The following ATRX variants were observed in gnomAD, a reference collection of about 807,000 sequenced individuals.
ATRX encodes chromatin remodeler ATRX.
A neutral mutation model predicts 172.6 loss-of-function variants in ATRX; 12 were observed. That is an observed-to-expected ratio of 0.07 (90% confidence interval 0.04 to 0.11). The LOEUF (loss-of-function observed/expected upper bound fraction) is 0.11, where lower values mean the gene tolerates loss of function less well. Among genes scored for constraint, ATRX ranks in the 10% least tolerant of loss-of-function variants. ATRX has a pLI of 1.00. For missense variants in ATRX, 1,368 were observed against 1,767.4 expected (o/e 0.77, Z 4.05); for synonymous variants, 674 against 594.7 (o/e 1.13, Z -1.94).
intron 29 of ATRX, 33 bp from the exon 30 acceptor site, chrX:77,557,678 A>T: frequency 8.7e-7 from 1 of 1,144,375 alleles, no homozygotes; most frequent in Non-Finnish European, 1.2e-6. Context: ...ATACAAAAAA[A>T]TAAAATTTTG....
intron 1 of ATRX, among the ~76,000 whole-genome samples, chrX:77,781,873 C>T (rs1557205763): frequency 8.9e-6 from 1 of 112,041 alleles, no homozygotes; most frequent in African/African-American, 3.2e-5. Flanking sequence ...TTACCCAACC[C>T]ATAAGTTTAT....
intron 27 of ATRX, among the ~76,000 whole-genome samples, chrX:77,585,611 A>G (rs1557076506): frequency 1.1e-5 from 1 of 94,423 alleles, no homozygotes; most frequent in African/African-American, 3.8e-5. Flanking sequence ...AAAAAAAAAA[A>G]AAAAAAAAAA....
At chrX:77,765,168 A>AAAAACAAAC (rs1238014886) in intron 1 of ATRX, among the ~76,000 whole-genome samples, 1 of 111,823 alleles carries the variant, frequency 8.9e-6, no homozygotes, top group Non-Finnish European at 1.9e-5. Flanking sequence ...ACTCTGTCTC[A>AAAAACAAAC]AAAACAAACA....
At chrX:77,646,098 G>A (rs1235491811) in intron 15 of ATRX, among the ~76,000 whole-genome samples, 1 of 111,737 alleles carries the variant, frequency 8.9e-6, no homozygotes, top group African/African-American at 3.2e-5. Context: ...AATGGCAGAA[G>A]TAAATCCTTA....
chrX:77,725,264 C>A (rs1205895054), intron 1 of ATRX, among the ~76,000 whole-genome samples: 3 of 111,589 alleles, frequency 2.7e-5, no homozygotes, highest in East Asian at 2.8e-4. Flanking sequence ...GTACTGGTAC[C>A]AAAACAGAGA....
intron 19 of ATRX, among the ~76,000 whole-genome samples, chrX:77,630,613 T>C (rs192074479): frequency 8.9e-6 from 1 of 112,210 alleles, no homozygotes; most frequent in Non-Finnish European, 1.9e-5. Flanking sequence ...TTTTCAACAA[T>C]GGTGTCAAGA....
intron 28 of ATRX, among the ~76,000 whole-genome samples, chrX:77,569,536 A>G (rs2065329822): frequency 8.9e-6 from 1 of 112,299 alleles, no homozygotes; most frequent in Non-Finnish European, 1.9e-5. Context: ...ACAAACTCCT[A>G]GAACAAATGA....
chrX:77,617,632 T>C (rs1276260956), intron 21 of ATRX, among the ~76,000 whole-genome samples: 2 of 111,756 alleles, frequency 1.8e-5, no homozygotes, highest in Non-Finnish European at 3.8e-5. Flanking sequence ...ATAGTTGCTA[T>C]ACTCTATTGT....
At chrX:77,630,255 C>T (rs1191171049) in intron 19 of ATRX, among the ~76,000 whole-genome samples, 3 of 111,614 alleles carry the variant, frequency 2.7e-5, no homozygotes, top group Non-Finnish European at 3.8e-5. Context: ...CCTAAATAAA[C>T]GGAGAGAAAT....
chrX:77,558,184 G>T (rs1187402891), intron 29 of ATRX, among the ~76,000 whole-genome samples: 1 of 109,933 alleles, frequency 9.1e-6, no homozygotes, highest in Non-Finnish European at 1.9e-5. Context: ...TATATTAAAT[G>T]TATATTAAAT....
At position 77,506,662 on chromosome X, in the gene ATRX, T is replaced by A; in HGVS notation, c.*1689A>T. The A allele has an allele frequency of 5.7e-6, 1 of 175,135 alleles. No homozygotes were observed. 14.4% of individuals were successfully genotyped at this position (175,135 alleles called of 1,213,427 possible). The stretch of plus-strand genomic sequence containing the variant: ...TTACATGGCTAGCATAATATCTAAA[T>A]ATACAGGATTTATTAGTGATATTTC... On this transcript the variant is annotated 3_prime_UTR_variant, in exon 35 of 35. Transcript: ENST00000373344.
intron 2 of ATRX, among the ~76,000 whole-genome samples, chrX:77,716,320 AAAAATATATATATATAT>A (rs1379189949): frequency 1.7e-5 from 1 of 57,419 alleles, no homozygotes; most frequent in Non-Finnish European, 3.5e-5. Flanking sequence ...AAAAAAAAAA[AAAAATATATATATATAT>A]ATATATATAT....
chrX:77,537,559 G>A (rs2147833637), intron 30 of ATRX, among the ~76,000 whole-genome samples: 1 of 111,101 alleles, frequency 9.0e-6, no homozygotes, highest in African/African-American at 3.3e-5. Flanking sequence ...AAAGAGCCTG[G>A]CATGGTGGTG....
chrX:77,566,978 A>G (rs782586294), intron 28 of ATRX, among the ~76,000 whole-genome samples: 211 of 111,636 alleles, frequency 1.9e-3, no homozygotes, highest in Non-Finnish European at 3.4e-3. Context: ...AAGGGAATCA[A>G]AAGGATATAA....
intron 1 of ATRX, among the ~76,000 whole-genome samples, chrX:77,729,073 T>C (rs893204908): frequency 7.5e-5 from 8 of 106,103 alleles, no homozygotes; most frequent in Non-Finnish European, 1.5e-4. Flanking sequence ...AGAAAATATT[T>C]CTACATAATA....
At chrX:77,773,912 G>A (rs1237296072) in intron 1 of ATRX, among the ~76,000 whole-genome samples, 4 of 111,147 alleles carry the variant, frequency 3.6e-5, no homozygotes, top group Non-Finnish European at 7.5e-5. Flanking sequence ...CAAATCAACT[G>A]GCCTGTGTTC....
chrX:77,702,818 C>T (rs782791214), intron 2 of ATRX, among the ~76,000 whole-genome samples: 36 of 111,159 alleles, frequency 3.2e-4, no homozygotes, highest in Non-Finnish European at 9.4e-5. Flanking sequence ...CCTCAAATTC[C>T]TGGGCTCAAG....
At chrX:77,542,104 C>T (rs2064022959) in intron 30 of ATRX, among the ~76,000 whole-genome samples, 1 of 112,173 alleles carries the variant, frequency 8.9e-6, no homozygotes, top group Non-Finnish European at 1.9e-5. Flanking sequence ...AGCTGATAAG[C>T]AACTTCAGCA....
At chrX:77,520,635 A>G (rs2063199838) in intron 34 of ATRX, among the ~76,000 whole-genome samples, 153 bp downstream of exon 34, 1 of 112,059 alleles carries the variant, frequency 8.9e-6, no homozygotes, top group African/African-American at 3.2e-5. Context: ...TTTACTTGAC[A>G]TTCCTGGGTT....
Sources: gnomAD v4.1 joint callset for allele counts (sites outside exome capture counted in the v4.1 genomes callset) on GRCh38, gnomAD v4.1.1 for gene constraint, MANE v1.5 for transcripts, NCBI Gene and HGNC (gene_info 2026-07-23, HGNC 2026-07-21) for gene names.